NOS1AP: variants seen among roughly 807,000 people sequenced by gnomAD.
NOS1AP encodes nitric oxide synthase 1 adaptor protein, also known as carboxyl-terminal PDZ ligand of neuronal nitric oxide synthase protein.
Under a neutral mutation model 56.2 loss-of-function variants are expected in NOS1AP, and 21 were observed. The observed-to-expected ratio is 0.37, with a 90% confidence interval of 0.26 to 0.54. The LOEUF (loss-of-function observed/expected upper bound fraction) is 0.54. NOS1AP is among the 20% of genes least tolerant of loss of function. The pLI is 0.84. For synonymous variants in NOS1AP, 270 were observed against 274.6 expected (o/e 0.98, Z 0.17); for missense variants, 522 against 657.8 (o/e 0.79, Z 2.26).
intron 5 of NOS1AP, among the ~76,000 whole-genome samples, chr1:162,339,436 G>A (rs1437137868): frequency 6.6e-6 from 1 of 151,694 alleles, no homozygotes; most frequent in Non-Finnish European, 1.5e-5. Flanking sequence ...TCCAGAGAAT[G>A]GCCAGATTTT....
chr1:162,253,204 C>CT (rs543140374), intron 2 of NOS1AP, among the ~76,000 whole-genome samples: 157 of 152,264 alleles, frequency 1.0e-3, no homozygotes, highest in African/African-American at 3.6e-3. Context: ...CTCTTGCCCT[C>CT]TCCACACTTC....
intron 1 of NOS1AP, among the ~76,000 whole-genome samples, chr1:162,083,683 A>G (rs572461685): frequency 6.6e-5 from 10 of 152,276 alleles, no homozygotes; most frequent in African/African-American, 2.2e-4. Flanking sequence ...TTTCCTCCAG[A>G]TAAGCATTTT....
chr1:162,287,584 G>T (rs1571191995), intron 3 of NOS1AP, 148 bp downstream of exon 3: 1 of 709,434 alleles, frequency 1.4e-6, no homozygotes, highest in Non-Finnish European at 2.6e-6. Flanking sequence ...GTGCTGACAG[G>T]CTGCAGCAGA....
At chr1:162,298,607 A>G (rs1000522323) in intron 3 of NOS1AP, among the ~76,000 whole-genome samples, 4 of 152,250 alleles carry the variant, frequency 2.6e-5, no homozygotes, top group Non-Finnish European at 5.9e-5. Flanking sequence ...CTTAAATAAC[A>G]TCTAGAGTCT....
intron 3 of NOS1AP, among the ~76,000 whole-genome samples, chr1:162,289,528 G>C (rs1234598449): frequency 1.5e-5 from 2 of 134,858 alleles, no homozygotes; most frequent in Non-Finnish European, 3.1e-5. Context: ...AGGCTGGAGT[G>C]CAGTGGCGGG....
intron 2 of NOS1AP, among the ~76,000 whole-genome samples, chr1:162,169,190 C>A (rs1650647412): frequency 6.6e-6 from 1 of 152,204 alleles, no homozygotes; most frequent in Non-Finnish European, 1.5e-5. Context: ...GATCTGGAGC[C>A]CTGGCTTGAC....
intron 1 of NOS1AP, among the ~76,000 whole-genome samples, chr1:162,111,807 CT>C (rs1647720819): frequency 1.3e-5 from 2 of 152,158 alleles, no homozygotes; most frequent in Non-Finnish European, 2.9e-5. Context: ...TGCTCTGCCC[CT>C]GGTCAGGAAT....
intron 2 of NOS1AP, among the ~76,000 whole-genome samples, chr1:162,252,994 G>C (rs752921798): frequency 3.3e-5 from 5 of 152,048 alleles, no homozygotes; most frequent in Non-Finnish European, 5.9e-5. Flanking sequence ...TGCCTAATTG[G>C]TCTCTGCTAT....
intron 2 of NOS1AP, among the ~76,000 whole-genome samples, chr1:162,225,915 C>A (rs942331802): frequency 2.0e-5 from 3 of 152,168 alleles, no homozygotes; most frequent in Non-Finnish European, 2.9e-5. Context: ...ATTATTTTAA[C>A]AAATTAATTT....
chr1:162,272,105 A>G (rs1464448091), intron 2 of NOS1AP, among the ~76,000 whole-genome samples: 1 of 151,058 alleles, frequency 6.6e-6, no homozygotes, highest in East Asian at 1.9e-4. Context: ...CTCCACCTCA[A>G]CCTCCTGAAG....
chr1:162,348,771 C>A (rs1434348513), intron 6 of NOS1AP, among the ~76,000 whole-genome samples: 3 of 151,814 alleles, frequency 2.0e-5, no homozygotes, highest in Admixed American at 2.0e-4. Context: ...GAGGAGAGGA[C>A]CTGTGGGGTG....
chr1:162,242,628 C>A (rs1653522190), intron 2 of NOS1AP, among the ~76,000 whole-genome samples: 1 of 152,166 alleles, frequency 6.6e-6, no homozygotes, highest in Non-Finnish European at 1.5e-5. Flanking sequence ...AACTGCCCAG[C>A]CAAGTCTCTT....
intron 2 of NOS1AP, among the ~76,000 whole-genome samples, chr1:162,209,376 A>G (rs6676187): frequency 0.98 from 149,568 of 152,300 alleles, 73,506 homozygotes; most frequent in East Asian, 1. Flanking sequence ...ATGCATGTAG[A>G]TAGAAGGGCG....
At chr1:162,259,660 T>C (rs950177161) in intron 2 of NOS1AP, among the ~76,000 whole-genome samples, 1 of 152,180 alleles carries the variant, frequency 6.6e-6, no homozygotes, top group African/African-American at 2.4e-5. Flanking sequence ...AGTGTGTAAA[T>C]CCACACAGTT....
chr1:162,181,577 T>C (rs1297427497), intron 2 of NOS1AP, among the ~76,000 whole-genome samples: 1 of 152,264 alleles, frequency 6.6e-6, no homozygotes, highest in Non-Finnish European at 1.5e-5. Context: ...TTCTGGTTCT[T>C]ATTTTTAAGG....
At chr1:162,321,054 A>T (rs1656397961) in intron 4 of NOS1AP, among the ~76,000 whole-genome samples, 1 of 152,050 alleles carries the variant, frequency 6.6e-6, no homozygotes, top group South Asian at 2.1e-4. Flanking sequence ...TAGGGTGTTT[A>T]TGGTTTTGGG....
At chr1:162,197,819 C>T (rs1340811346) in intron 2 of NOS1AP, among the ~76,000 whole-genome samples, 1 of 152,252 alleles carries the variant, frequency 6.6e-6, no homozygotes, top group African/African-American at 2.4e-5. Flanking sequence ...GGGTGTGCGG[C>T]AGGGCTACAG....
chr1:162,294,787 C>T (rs1221694178), intron 3 of NOS1AP, among the ~76,000 whole-genome samples: 1 of 152,196 alleles, frequency 6.6e-6, no homozygotes, highest in African/African-American at 2.4e-5. Flanking sequence ...AGGAGTTACA[C>T]ATATCCACAT....
intron 2 of NOS1AP, among the ~76,000 whole-genome samples, chr1:162,273,655 A>G (rs1454891149): frequency 1.3e-5 from 2 of 152,126 alleles, no homozygotes; most frequent in African/African-American, 2.4e-5. Context: ...ATCCAGCCCA[A>G]AGGACTTTAA....
Sources: gnomAD v4.1 joint callset for allele counts (sites outside exome capture counted in the v4.1 genomes callset) on GRCh38, gnomAD v4.1.1 for gene constraint, MANE v1.5 for transcripts, NCBI Gene and HGNC (gene_info 2026-07-23, HGNC 2026-07-21) for gene names.